Variants in TMEM204 observed in about 807,000 individuals in gnomAD.
TMEM204 encodes transmembrane protein 204.
TMEM204 carries 15 observed loss-of-function variants against 19.4 expected under a neutral mutation model. The ratio of observed to expected loss-of-function variants is 0.77; its 90% CI spans 0.52 to 1.19. The LOEUF is 1.19. Ranked by LOEUF, TMEM204 falls within the 50% of genes most tolerant of loss-of-function variation. TMEM204 has a pLI of 0.00. For synonymous variants in TMEM204, 161 were observed against 146.0 expected, an observed-to-expected ratio of 1.10 and a Z score of -0.74; for missense variants, 287 against 321.2, an observed-to-expected ratio of 0.89 and a Z score of 0.81.
In TMEM204 at chr16:1,553,114, G is replaced by C; in HGVS notation, c.437-1668G>C. The C allele has an allele frequency of 3.0e-6, 3 of 985,454 alleles. No individual in the cohort carries two copies. The highest frequency in any genetic ancestry group is 3.6e-6 in the Non-Finnish European group (3 of 829,942). The allele number at this position is 985,454 out of a possible 1,614,324, so 61.0% of individuals were successfully genotyped here. Reference sequence around the variant, plus strand: ...TAATTCATACTTTCTGGAGGGTACAGTGATGATGAAAAGATAATGCTTGGG... The same window carrying C: ...TAATTCATACTTTCTGGAGGGTACACTGATGATGAAAAGATAATGCTTGGG... On this transcript the variant is annotated intron_variant, in intron 2 of 2. Coordinates refer to ENST00000566264, the MANE Select transcript of TMEM204 (RefSeq NM_024600.6). The surrounding 1 kb of genome is among the most constrained non-coding windows in gnomAD (Gnocchi z 4.4).
At chr16:1,543,009 AG>A (rs2031795385) in intron 2 of TMEM204, among the ~76,000 whole-genome samples, 1 of 152,250 alleles carries the variant, frequency 6.6e-6, no homozygotes, top group Non-Finnish European at 1.5e-5. Context: ...CAGCGACCCC[AG>A]GGGGCTCTGC....
chr16:1,538,552 C>G (rs1195837846), intron 1 of TMEM204, among the ~76,000 whole-genome samples: 1 of 152,176 alleles, frequency 6.6e-6, no homozygotes, highest in Non-Finnish European at 1.5e-5. Context: ...GGGCAGAGCG[C>G]AGAGCCCTGG....
chr16:1,544,377 G>A (rs2031956517), intron 2 of TMEM204, among the ~76,000 whole-genome samples: 1 of 151,910 alleles, frequency 6.6e-6, no homozygotes, highest in Non-Finnish European at 1.5e-5. Flanking sequence ...AGTAGAGATG[G>A]GGTTTCACTA....
chr16:1,554,590 C>T (rs1596355713), intron 2 of TMEM204, among the ~76,000 whole-genome samples, 192 bp from the exon 3 acceptor site: 1 of 152,142 alleles, frequency 6.6e-6, no homozygotes, highest in East Asian at 1.9e-4. Context: ...CCAGGGCAGC[C>T]GCCCCGTAAA....
At chr16:1,542,574 G>C (rs377734851) in intron 2 of TMEM204, among the ~76,000 whole-genome samples, 1 of 152,228 alleles carries the variant, frequency 6.6e-6, no homozygotes, top group Middle Eastern at 3.2e-3. Flanking sequence ...TGTTATAAAC[G>C]CAGCTTCCTA....
chr16:1,549,016 G>A lies in TMEM204; in HGVS notation c.437-5766G>A, dbSNP rs571242191. On this transcript the variant is annotated intron_variant, in intron 2 of 2. Transcript: ENST00000566264. Reference sequence around the variant, plus strand: ...CCGTCCTCCGCAGGAGCCACCTGGCGCTCTCCAGCAGCGGTGCCCCTGCCT... The same window carrying A: ...CCGTCCTCCGCAGGAGCCACCTGGCACTCTCCAGCAGCGGTGCCCCTGCCT... Among the ~76,000 whole-genome samples, 7 of 152,358 alleles carry A rather than the reference G, an allele frequency of 4.6e-5. No homozygotes were observed. The East Asian group carries it at 7.7e-4, about 17-fold the overall frequency.
intron 1 of TMEM204, among the ~76,000 whole-genome samples, chr16:1,535,375 G>C (rs2030960870): frequency 6.6e-6 from 1 of 152,204 alleles, no homozygotes; most frequent in Admixed American, 6.5e-5. Context: ...CATCTCAACA[G>C]TCACGGCACA....
chr16:1,552,648 C>CTTT (rs11409894), intron 2 of TMEM204, among the ~76,000 whole-genome samples: 23 of 127,578 alleles, frequency 1.8e-4, no homozygotes, highest in African/African-American at 5.1e-4. Flanking sequence ...AAAGAGAATG[C>CTTT]TTTTTTTTTT....
At chr16:1,534,978 G>A (rs2030918421) in intron 1 of TMEM204, among the ~76,000 whole-genome samples, 1 of 152,172 alleles carries the variant, frequency 6.6e-6, no homozygotes, top group Admixed American at 6.5e-5. Flanking sequence ...GCTGAGGCGG[G>A]AGGACTGCTT....
chr16:1,542,950 G>A (rs1287185442), intron 2 of TMEM204, among the ~76,000 whole-genome samples: 6 of 152,360 alleles, frequency 3.9e-5, no homozygotes, highest in African/African-American at 1.2e-4. Flanking sequence ...AGGGTCCTGC[G>A]GTGTTCTAGA....
intron 2 of TMEM204, among the ~76,000 whole-genome samples, chr16:1,542,775 A>G (rs950202314): frequency 2.6e-5 from 4 of 152,236 alleles, no homozygotes; most frequent in African/African-American, 9.6e-5. Context: ...GGCTTCCCCA[A>G]GCCGCCATGT....
chr16:1,534,442 G>A lies in TMEM204; in HGVS notation c.167G>A (p.Arg56Gln), dbSNP rs756363610. The change falls in exon 1 of 3, where the codon CGG becomes CAG. Residue 56 changes from arginine (R) to glutamine (Q), a missense_variant. Coordinates refer to ENST00000566264, the MANE Select transcript of TMEM204 (RefSeq NM_024600.6). ...WRSCWLVDRT[R>Q]GGPSPGARAG... is the part of the protein sequence containing the mutation. Reference sequence around the variant, plus strand: ...TCCTGCTGGCTGGTGGACAGGACCCGGGGAGGGCCGAGCCCTGGGGCCAGA... The same window carrying A: ...TCCTGCTGGCTGGTGGACAGGACCCAGGGAGGGCCGAGCCCTGGGGCCAGA... 8.7e-6 allele frequency: 14 copies of A among 1,611,594 alleles called. No individual in the cohort carries two copies. Among genetic ancestry groups the A allele is most frequent in the Middle Eastern group, 1.7e-4 (1 of 6,060 alleles).
chr16:1,553,656 G>A lies in TMEM204; in HGVS notation c.437-1126G>A. On this transcript the variant is annotated intron_variant, in intron 2 of 2. Transcript: ENST00000566264. The surrounding 1 kb of genome is among the most constrained non-coding windows in gnomAD (Gnocchi z 4.4). ...ACTGTAACAGAGAGGGAGGGGTGCT[G>A]GGTGGGCAGAAGCGGGGCTGGGGCT... The A allele has an allele frequency of 9.4e-7, 1 of 1,069,266 alleles. No individual in the cohort carries two copies. The highest frequency in any genetic ancestry group is 1.1e-6 in the Non-Finnish European group (1 of 877,418). 66.2% of individuals were successfully genotyped at this position (1,069,266 alleles called of 1,614,324 possible). A position where few individuals can be genotyped will look rare whatever the true frequency, so the allele number is the denominator to read the frequency against.
chr16:1,530,370 A>T (rs1004824253), upstream of TMEM204, among the ~76,000 whole-genome samples: 2 of 151,754 alleles, frequency 1.3e-5, no homozygotes, highest in Non-Finnish European at 2.9e-5. Context: ...TGACCTTGTG[A>T]TCTGCTCGCC....
chr16:1,536,350 GAC>G (rs1438615848), intron 1 of TMEM204, among the ~76,000 whole-genome samples: 2 of 152,202 alleles, frequency 1.3e-5, no homozygotes, highest in Non-Finnish European at 2.9e-5. Context: ...AGGCCAGCAG[GAC>G]ACACGAGGCC....
At chr16:1,529,195 G>A (rs1013790291), upstream of TMEM204, among the ~76,000 whole-genome samples, 2 of 152,198 alleles carry the variant, frequency 1.3e-5, no homozygotes, top group East Asian at 1.9e-4. Context: ...GACGCAGGGC[G>A]GGCAGGTGCA....
chr16:1,539,098 C>T (rs971833404), intron 1 of TMEM204, among the ~76,000 whole-genome samples: 3 of 149,128 alleles, frequency 2.0e-5, no homozygotes, highest in Admixed American at 6.7e-5. Flanking sequence ...GATGGCCCCC[C>T]ACCTCAGGCC....
chr16:1,540,998 T>G, intron 1 of TMEM204: 1 of 985,354 alleles, frequency 1.0e-6, no homozygotes, highest in Non-Finnish European at 1.2e-6. Context: ...GGCCCCTGTG[T>G]AAGGTTTTAT....
upstream of TMEM204, chr16:1,530,676 C>T (rs2030373231): frequency 6.7e-6 from 1 of 149,428 alleles, no homozygotes; most frequent in African/African-American, 2.5e-5. Flanking sequence ...AACGCCCCGT[C>T]TCTCCCACGC....
Sources: gnomAD v4.1 joint callset for allele counts (sites outside exome capture counted in the v4.1 genomes callset) on GRCh38, gnomAD v4.1.1 for gene constraint, Gnocchi (gnomAD v3.1) non-coding constraint, MANE v1.5 for transcripts, NCBI Gene and HGNC (gene_info 2026-07-23, HGNC 2026-07-21) for gene names.